Variants in LRRTM4 observed in about 807,000 individuals in gnomAD.
The protein encoded by LRRTM4 is leucine-rich repeat transmembrane neuronal protein 4.
A neutral mutation model predicts 47.6 loss-of-function variants in LRRTM4; 25 were observed. That is an observed-to-expected ratio of 0.53 (90% CI 0.38 to 0.73). The LOEUF (loss-of-function observed/expected upper bound fraction) is 0.73, where lower values mean the gene tolerates loss of function less well. LRRTM4 is among the 30% of genes least tolerant of loss of function. The pLI, the probability that LRRTM4 is intolerant of heterozygous loss-of-function variation, is 0.00. For missense variants in LRRTM4, 638 were observed against 713.4 expected, an observed-to-expected ratio of 0.89 and a Z score of 1.20; for synonymous variants, 311 against 269.5, an observed-to-expected ratio of 1.15 and a Z score of -1.51.
At chr2:77,280,034 A>T (rs938802216) in intron 3 of LRRTM4, among the ~76,000 whole-genome samples, 1 of 152,068 alleles carries the variant, frequency 6.6e-6, no homozygotes, top group African/African-American at 2.4e-5. Flanking sequence ...GCAAAGGATA[A>T]TTAAGTTTGC....
At chr2:76,944,984 T>C (rs1675275787) in intron 3 of LRRTM4, among the ~76,000 whole-genome samples, 2 of 152,044 alleles carry the variant, frequency 1.3e-5, no homozygotes, top group South Asian at 2.1e-4. Context: ...TATAAGAAAC[T>C]ACACAGTTTG....
intron 3 of LRRTM4, among the ~76,000 whole-genome samples, chr2:76,919,844 C>G (rs557536835): frequency 1.3e-5 from 2 of 152,208 alleles, no homozygotes; most frequent in Non-Finnish European, 1.5e-5. Context: ...TTACATATGA[C>G]GGGTCTGTCT....
chr2:77,271,944 C>T (rs868243142), intron 3 of LRRTM4, among the ~76,000 whole-genome samples: 1 of 152,094 alleles, frequency 6.6e-6, no homozygotes, highest in Non-Finnish European at 1.5e-5. Context: ...TTGACTATGT[C>T]GTGTTGTTTA....
intron 3 of LRRTM4, among the ~76,000 whole-genome samples, chr2:77,425,962 A>C (rs1442306140): frequency 6.6e-6 from 1 of 151,846 alleles, no homozygotes; most frequent in African/African-American, 2.4e-5. Flanking sequence ...ATTAAAAAAA[A>C]AAAAATTAGC....
intron 3 of LRRTM4, among the ~76,000 whole-genome samples, chr2:76,795,141 G>C (rs1188891998): frequency 1.3e-5 from 2 of 151,538 alleles, no homozygotes; most frequent in African/African-American, 4.8e-5. Flanking sequence ...TATTAAAGTG[G>C]ACAAAATATA....
At chr2:77,204,732 C>T (rs1389699724) in intron 3 of LRRTM4, among the ~76,000 whole-genome samples, 1 of 152,126 alleles carries the variant, frequency 6.6e-6, no homozygotes, top group African/African-American at 2.4e-5. Flanking sequence ...AATCTGCAAA[C>T]TCCATGAAGG....
intron 3 of LRRTM4, among the ~76,000 whole-genome samples, chr2:77,063,676 T>C (rs1027453790): frequency 6.6e-6 from 1 of 152,146 alleles, no homozygotes; most frequent in South Asian, 2.1e-4. Flanking sequence ...CAAAATTCAA[T>C]AACATTAAAA....
chr2:77,133,976 T>C (rs1311871821), intron 3 of LRRTM4, among the ~76,000 whole-genome samples: 2 of 152,138 alleles, frequency 1.3e-5, no homozygotes, highest in African/African-American at 2.4e-5. Flanking sequence ...AATCCAAAAA[T>C]TAATGTAGGT....
At chr2:77,126,675 T>C (rs1014755371) in intron 3 of LRRTM4, among the ~76,000 whole-genome samples, 23 of 152,138 alleles carry the variant, frequency 1.5e-4, no homozygotes, top group African/African-American at 5.3e-4. Flanking sequence ...GACATAGGGG[T>C]CTTGTCAGGT....
chr2:76,830,524 G>T (rs1359670354), intron 3 of LRRTM4, among the ~76,000 whole-genome samples: 1 of 143,562 alleles, frequency 7.0e-6, no homozygotes, highest in Admixed American at 6.8e-5. Context: ...GCGTGTGTGT[G>T]TGTGTGTGTG....
intron 3 of LRRTM4, among the ~76,000 whole-genome samples, chr2:77,067,340 T>C (rs1679989021): frequency 6.6e-6 from 1 of 152,068 alleles, no homozygotes; most frequent in African/African-American, 2.4e-5. Context: ...GGCCTCACTG[T>C]GTATTGCAAA....
intron 3 of LRRTM4, among the ~76,000 whole-genome samples, chr2:76,847,582 T>C (rs1459999724): frequency 6.6e-6 from 1 of 152,072 alleles, no homozygotes; most frequent in Non-Finnish European, 1.5e-5. Context: ...GTTTTTCTTA[T>C]CTTTTGAATT....
chr2:77,299,801 T>G (rs1199546479), intron 3 of LRRTM4, among the ~76,000 whole-genome samples: 5 of 151,176 alleles, frequency 3.3e-5, no homozygotes, highest in African/African-American at 4.9e-5. Context: ...TACGGAAATC[T>G]AACAACACAT....
At chr2:77,329,152 G>A (rs1394641839) in intron 3 of LRRTM4, among the ~76,000 whole-genome samples, 1 of 152,200 alleles carries the variant, frequency 6.6e-6, no homozygotes, top group African/African-American at 2.4e-5. Context: ...AGAGGAGTCT[G>A]TGGTGTTTCA....
chr2:77,079,945 TTTAAAGA>T (rs1253801339), intron 3 of LRRTM4, among the ~76,000 whole-genome samples: 2 of 152,130 alleles, frequency 1.3e-5, no homozygotes, highest in East Asian at 1.9e-4. Flanking sequence ...TAAATGTACC[TTTAAAGA>T]TTAAACTGTT....
intron 3 of LRRTM4, among the ~76,000 whole-genome samples, chr2:77,336,385 A>G (rs1333019788): frequency 6.6e-6 from 1 of 152,160 alleles, no homozygotes; most frequent in East Asian, 1.9e-4. Flanking sequence ...TTTACCAGTT[A>G]GCTCATAATT....
At chr2:77,457,161 T>C (rs2103964620) in intron 3 of LRRTM4, among the ~76,000 whole-genome samples, 1 of 151,176 alleles carries the variant, frequency 6.6e-6, no homozygotes, top group East Asian at 2.0e-4. Flanking sequence ...TTTAAAATCA[T>C]ATCCCCAATC....
chr2:77,483,703 A>G (rs1401882359), intron 3 of LRRTM4, among the ~76,000 whole-genome samples: 3 of 152,170 alleles, frequency 2.0e-5, no homozygotes, highest in Admixed American at 6.5e-5. Flanking sequence ...CTGAAAAACA[A>G]AAATGCTTCC....
At chr2:77,167,616 G>A (rs1573030935) in intron 3 of LRRTM4, among the ~76,000 whole-genome samples, 1 of 152,166 alleles carries the variant, frequency 6.6e-6, no homozygotes, top group African/African-American at 2.4e-5. Flanking sequence ...GGAATACTAT[G>A]CAGCCATAAA....
Sources: allele counts gnomAD v4.1 joint callset (sites outside exome capture counted in the v4.1 genomes callset), GRCh38; gene constraint gnomAD v4.1.1; transcripts MANE v1.5; gene names NCBI Gene and HGNC (gene_info 2026-07-23, HGNC 2026-07-21).